SCN8A: variants seen among roughly 807,000 people sequenced by gnomAD.
SCN8A encodes the protein sodium voltage-gated channel alpha subunit 8.
SCN8A carries 30 observed loss-of-function variants against 184.1 expected under a neutral mutation model. The ratio of observed to expected loss-of-function variants is 0.16; its 90% CI spans 0.12 to 0.22. The LOEUF (loss-of-function observed/expected upper bound fraction) is 0.22, where lower values mean the gene tolerates loss of function less well. Ranked by LOEUF, SCN8A falls within the 10% of genes least tolerant of loss-of-function variation. The pLI is 1.00. For synonymous variants in SCN8A, 852 were observed against 907.0 expected (o/e 0.94, Z 1.09); for missense variants, 1,057 against 2,498.9 (o/e 0.42, Z 12.30).
At position 51,623,130 on chromosome 12, in the gene SCN8A, C is replaced by G. The variant is rs187718729; in HGVS notation, c.-55+31771C>G. Among the ~76,000 whole-genome samples the G allele has an allele frequency of 5.8e-3, 882 of 152,234 alleles. 13 individuals carry two copies. Among genetic ancestry groups the G allele is most frequent in the African/African-American group, 0.02 (848 of 41,528 alleles). ...ATCTTGTATTTTCCTTGCCCCGGCTCTAGAATCAGCTTTTTCTAAAGAGCC... is the reference window on the plus strand; with the variant it reads ...ATCTTGTATTTTCCTTGCCCCGGCTGTAGAATCAGCTTTTTCTAAAGAGCC... On this transcript the variant is annotated intron_variant, in intron 1 of 26. Transcript: ENST00000627620.
chr12:51,764,776 C>CTT (rs1197098413), intron 15 of SCN8A, among the ~76,000 whole-genome samples: 2 of 143,094 alleles, frequency 1.4e-5, no homozygotes, highest in Non-Finnish European at 3.1e-5. Flanking sequence ...AGGCTCTTTT[C>CTT]TTTTTTTTTT....
In SCN8A at chr12:51,721,703, G is replaced by A. The variant is rs1942065922; in HGVS notation, c.1793G>A (p.Arg598Gln). The change falls in exon 12 of 27, where the codon CGG becomes CAG. Residue 598 changes from arginine to glutamine, a missense_variant. Coordinates refer to ENST00000627620, the MANE Select transcript of SCN8A (RefSeq NM_001330260.2). The stretch of plus-strand genomic sequence containing the variant: ...ACGGTGGAGGAGAGCGAGGGCCGCC[G>A]GGACTCCCTCTTCATCCCCATCCGG... The part of the protein sequence containing the change: ...HSTVEESEGR[R>Q]DSLFIPIRAR... 1.9e-6 allele frequency: 3 copies of A among 1,590,124 alleles called. No homozygotes were observed. The highest frequency in any genetic ancestry group is 1.8e-5 in the Admixed American group (1 of 55,316).
chr12:51,692,493 T>C (rs1941528176), intron 6 of SCN8A, among the ~76,000 whole-genome samples: 1 of 152,216 alleles, frequency 6.6e-6, no homozygotes, highest in South Asian at 2.1e-4. Context: ...CTTGGATACA[T>C]ACTATTTATG....
In SCN8A at chr12:51,606,907, T is replaced by TA. The variant is rs1386794085; in HGVS notation, c.-55+15548_-55+15549insA. On this transcript the variant is annotated intron_variant, in intron 1 of 26. Transcript: ENST00000627620. The stretch of plus-strand genomic sequence containing the variant: ...TTTTATATATATTTATTTATTTATT[T>TA]TTTTTTTTGAGACAGAGTCTTGCTC... Among the ~76,000 whole-genome samples the TA allele has an allele frequency of 4.0e-5, 6 of 151,416 alleles. No homozygotes were observed. In the East Asian group the frequency reaches 7.7e-4, roughly 19 times the overall value.
intron 12 of SCN8A, among the ~76,000 whole-genome samples, chr12:51,725,535 A>G (rs886284670): frequency 6.6e-6 from 1 of 152,166 alleles, no homozygotes; most frequent in Admixed American, 6.5e-5. Context: ...TATTCTTATA[A>G]TCACTCTATT....
At chr12:51,614,358 CTTGCT>C (rs1316866772) in intron 1 of SCN8A, among the ~76,000 whole-genome samples, 1 of 151,934 alleles carries the variant, frequency 6.6e-6, no homozygotes, top group Non-Finnish European at 1.5e-5. Context: ...GGTAATTTTC[CTTGCT>C]TTGAAGTCTA....
intron 11 of SCN8A, chr12:51,713,374 A>C: frequency 1.0e-6 from 1 of 994,916 alleles, no homozygotes; most frequent in Non-Finnish European, 1.6e-6. Flanking sequence ...CACAAAACCA[A>C]AGCCCCTGGA....
rs1232008707 is a variant in SCN8A at position 51,809,623 on chromosome 12, T to C, written c.*2194T>C. 1 of 152,252 alleles carries C rather than the reference T, an allele frequency of 6.6e-6. No homozygotes were observed. The highest frequency in any genetic ancestry group is 6.5e-5 in the Admixed American group (1 of 15,282). 9.4% of individuals were successfully genotyped at this position (152,252 alleles called of 1,614,324 possible). On this transcript the variant is annotated 3_prime_UTR_variant, in exon 27 of 27. Coordinates refer to ENST00000627620, the MANE Select transcript of SCN8A (RefSeq NM_001330260.2). The stretch of plus-strand genomic sequence containing the variant: ...CTGCTAGGATGAATGTATAGTAACA[T>C]GTACAGGCTACATTGTAAACAGCAC...
chr12:51,784,400 C>G (rs938623962), intron 21 of SCN8A, among the ~76,000 whole-genome samples: 8 of 151,990 alleles, frequency 5.3e-5, no homozygotes, highest in Non-Finnish European at 1.0e-4. Context: ...ACTAAAAATA[C>G]AAAAATTAGC....
At chr12:51,711,502 T>C (rs1941875645) in intron 11 of SCN8A, among the ~76,000 whole-genome samples, 1 of 152,202 alleles carries the variant, frequency 6.6e-6, no homozygotes, top group Non-Finnish European at 1.5e-5. Flanking sequence ...TAACTAGTTA[T>C]AGAAGGTTAT....
At chr12:51,779,566 C>A (rs1223181601) in intron 20 of SCN8A, among the ~76,000 whole-genome samples, 2 of 152,142 alleles carry the variant, frequency 1.3e-5, no homozygotes, top group African/African-American at 4.8e-5. Flanking sequence ...CCACTGGGGA[C>A]GTGACCTGTC....
At chr12:51,802,229 A>G (rs371737643) in intron 26 of SCN8A, among the ~76,000 whole-genome samples, 1 of 152,124 alleles carries the variant, frequency 6.6e-6, no homozygotes, top group African/African-American at 2.4e-5. Context: ...TTCAGGGGAG[A>G]CCACTGTTGC....
At chr12:51,670,679 A>G (rs2138684565) in intron 2 of SCN8A, among the ~76,000 whole-genome samples, 1 of 152,318 alleles carries the variant, frequency 6.6e-6, no homozygotes, top group Middle Eastern at 3.4e-3. Context: ...CTGGGCCAGA[A>G]GGAAAGAGAA....
At chr12:51,746,082 AAT>A in intron 13 of SCN8A, 47 bp downstream of exon 13, 1 of 1,530,714 alleles carries the variant, frequency 6.5e-7, no homozygotes, top group Non-Finnish European at 8.8e-7. Context: ...ATAAATATGT[AAT>A]GTGCATGGTA....
At chr12:51,696,405 C>T (rs1460805770) in intron 6 of SCN8A, among the ~76,000 whole-genome samples, 6 of 152,324 alleles carry the variant, frequency 3.9e-5, no homozygotes, top group African/African-American at 1.4e-4. Flanking sequence ...GAGGACTTCT[C>T]TGTTCCTTAG....
chr12:51,744,715 G>C (rs1942482887), intron 12 of SCN8A, among the ~76,000 whole-genome samples: 1 of 151,828 alleles, frequency 6.6e-6, no homozygotes, highest in Non-Finnish European at 1.5e-5. Flanking sequence ...GAGTAGCTGG[G>C]ACTACAGGCT....
rs966453909 is a variant in SCN8A at position 51,604,504 on chromosome 12, G to GT, written c.-55+13152dup. 1.1e-4 allele frequency among the ~76,000 whole-genome samples: 16 copies of GT among 151,530 alleles called. No individual in the cohort carries two copies. The South Asian group carries it at 1.3e-3, about 12-fold the overall frequency. On this transcript the variant is annotated intron_variant, in intron 1 of 26. Coordinates refer to ENST00000627620, the MANE Select transcript of SCN8A (RefSeq NM_001330260.2). ...TTGTTTGTTTGTTTGTTTGTTTTTT[G>GT]TTTTTTTAACGGGTTTTTGTTTCGT...
At chr12:51,635,421 A>G (rs541658267) in intron 1 of SCN8A, among the ~76,000 whole-genome samples, 1 of 152,366 alleles carries the variant, frequency 6.6e-6, no homozygotes, top group East Asian at 1.9e-4. Flanking sequence ...AATCAGTGCC[A>G]GGACCTAGCA....
intron 4 of SCN8A, 50 bp downstream of exon 4, chr12:51,686,507 C>A: frequency 2.3e-6 from 3 of 1,305,168 alleles, no homozygotes; most frequent in African/African-American, 1.5e-5. Context: ...TATTTTTAGT[C>A]ACTAAATCTT....
Sources: gnomAD v4.1 joint callset for allele counts (sites outside exome capture counted in the v4.1 genomes callset) on GRCh38, gnomAD v4.1.1 for gene constraint, MANE v1.5 for transcripts, NCBI Gene and HGNC (gene_info 2026-07-23, HGNC 2026-07-21) for gene names.